Variants in ANKRD55 observed in about 807,000 individuals in gnomAD.
ANKRD55 encodes ankyrin repeat domain 55.
Under a neutral mutation model 60.6 loss-of-function variants are expected in ANKRD55, and 41 were observed. That is an observed-to-expected ratio of 0.68 (90% CI 0.53 to 0.88). The LOEUF (loss-of-function observed/expected upper bound fraction) is 0.88. Ranked by LOEUF, ANKRD55 falls within the 40% of genes least tolerant of loss-of-function variation. The pLI is 0.00. For synonymous variants in ANKRD55, 264 were observed against 290.3 expected, an observed-to-expected ratio of 0.91 and a Z score of 0.92; for missense variants, 732 against 767.6, an observed-to-expected ratio of 0.95 and a Z score of 0.55.
At chr5:56,128,277 C>T (rs183612825) in intron 7 of ANKRD55, among the ~76,000 whole-genome samples, 2 of 152,294 alleles carry the variant, frequency 1.3e-5, no homozygotes, top group East Asian at 1.9e-4. Flanking sequence ...CATAGTTTCC[C>T]CTCTTGGTAG....
At position 56,183,728 on chromosome 5, in the gene ANKRD55, T is replaced by G; in HGVS notation, c.59-94A>C. Reference sequence around the variant, plus strand: ...GTCGTCACCCACACAAGTGATTCATTAAAACTTCTCAAGTGAATCCAGGCA... The same window carrying G: ...GTCGTCACCCACACAAGTGATTCATGAAAACTTCTCAAGTGAATCCAGGCA... On this transcript the variant is annotated intron_variant, in intron 2 of 11. Transcript: ENST00000341048. The G allele has an allele frequency of 2.0e-6, 3 of 1,508,468 alleles. No individual in the cohort carries two copies. In the South Asian group the frequency reaches 3.8e-5, roughly 19 times the overall value. The allele number at this position is 1,508,468 out of a possible 1,614,324, so 93.4% of individuals were successfully genotyped here.
At chr5:56,170,171 GGTTT>G (rs1158963023) in intron 5 of ANKRD55, among the ~76,000 whole-genome samples, 1 of 152,054 alleles carries the variant, frequency 6.6e-6, no homozygotes, top group African/African-American at 2.4e-5. Context: ...CATGGCCCTG[GGTTT>G]AGACATTAAC....
intron 8 of ANKRD55, among the ~76,000 whole-genome samples, chr5:56,117,667 T>C (rs1157330804): frequency 6.6e-6 from 1 of 152,212 alleles, no homozygotes; most frequent in African/African-American, 2.4e-5. Context: ...TTGGCCAGGC[T>C]GGTTCTGAAC....
chr5:56,174,629 C>A (rs1029427125), intron 4 of ANKRD55, among the ~76,000 whole-genome samples: 1 of 151,980 alleles, frequency 6.6e-6, no homozygotes, highest in Non-Finnish European at 1.5e-5. Context: ...GTCAAGAGAT[C>A]GAGACCATCC....
rs2111652581 is a variant in ANKRD55 at position 56,102,502 on chromosome 5, T to A, written c.1715A>T (p.Asp572Val). The change falls in exon 11 of 12, where the codon GAT becomes GTT. Residue 572 changes from aspartate (D) to valine (V), a missense_variant. Physicochemically the swap from Asp to Val is radical, Grantham distance 152 (BLOSUM62 -3). This residue lies in a region of ANKRD55 where 597 missense variants were observed against 607.5 expected (regional missense o/e 0.98). Coordinates refer to ENST00000341048, the MANE Select transcript of ANKRD55 (RefSeq NM_024669.3). ...AGATTCATAATACTTACATTTTTGA[T>A]CTGGTAGGGGAGCTAGGTTGTTCCG... ...FTRNNLAPLPDQKFLSGEPLR... is the reference protein window; with the variant it reads ...FTRNNLAPLPVQKFLSGEPLR... 1 of 1,609,792 alleles carries A rather than the reference T, an allele frequency of 6.2e-7. No individual in the cohort carries two copies. Among genetic ancestry groups the A allele is most frequent in the Non-Finnish European group, 8.5e-7 (1 of 1,176,734 alleles).
At position 56,111,659 on chromosome 5, in the gene ANKRD55, C is replaced by G; in HGVS notation, c.1089G>C (p.Lys363Asn). Residue 363 changes from lysine (K) to asparagine (N), a missense_variant, in exon 10 of 12, where the codon AAG becomes AAC. By Grantham distance (94) the Lys-to-Asn change is moderately conservative. This residue lies in a region of ANKRD55 where 597 missense variants were observed against 607.5 expected (regional missense o/e 0.98). Transcript: ENST00000341048. ...NKKEEQRAHQ[K>N]DPSRDRYREE... The stretch of plus-strand genomic sequence containing the variant: ...CTCTGTATCGGTCCCTGCTGGGATC[C>G]TTCTGATGGGCTCTCTGCTCTTCTT... 1 of 1,532,014 alleles carries G rather than the reference C, an allele frequency of 6.5e-7. No homozygotes were observed. The highest frequency in any genetic ancestry group is 1.3e-5 in the South Asian group (1 of 75,350). 94.9% of individuals were successfully genotyped at this position (1,532,014 alleles called of 1,614,324 possible). A position where few individuals can be genotyped will look rare whatever the true frequency, so the allele number is the denominator to read the frequency against.
At chr5:56,130,849 C>T (rs1024907506) in intron 7 of ANKRD55, among the ~76,000 whole-genome samples, 1 of 152,030 alleles carries the variant, frequency 6.6e-6, no homozygotes, top group African/African-American at 2.4e-5. Flanking sequence ...TGAAGAATGC[C>T]TTTGATGAGC....
chr5:56,162,403 G>A (rs558941212), intron 5 of ANKRD55, among the ~76,000 whole-genome samples: 16 of 152,270 alleles, frequency 1.1e-4, no homozygotes, highest in African/African-American at 3.6e-4. Flanking sequence ...GGGTTTTGCC[G>A]ATGGGGGAAC....
intron 9 of ANKRD55, among the ~76,000 whole-genome samples, chr5:56,112,488 A>T (rs1756742779): frequency 7.1e-6 from 1 of 140,094 alleles, no homozygotes; most frequent in Admixed American, 7.5e-5. Flanking sequence ...GCAACATGGC[A>T]GGATCTCATC....
At chr5:56,224,653 C>T (rs1760059546) in intron 2 of ANKRD55, among the ~76,000 whole-genome samples, 1 of 152,106 alleles carries the variant, frequency 6.6e-6, no homozygotes, top group Admixed American at 6.5e-5. Flanking sequence ...AAGGGGATAT[C>T]ACCACTGATC....
rs1011543392 is a variant in ANKRD55 at position 56,116,634 on chromosome 5, G to T, written c.946C>A (p.Leu316Ile). Residue 316 changes from leucine to isoleucine, a missense_variant, in exon 9 of 12, where the codon CTC (leucine) becomes ATC (isoleucine). By Grantham distance (5) the Leu-to-Ile change is conservative (BLOSUM62 2). Coordinates refer to ENST00000341048, the MANE Select transcript of ANKRD55 (RefSeq NM_024669.3). Reference protein sequence around the residue: ...LYCGHTACVKLLSQESRTEPT... With the variant: ...LYCGHTACVKILSQESRTEPT... Reference sequence around the variant, plus strand: ...ACTCACCTGCTCTCTTGGGAGAGGAGTTTGACACACGCCGTGTGACCGCAG... The same window carrying T: ...ACTCACCTGCTCTCTTGGGAGAGGATTTTGACACACGCCGTGTGACCGCAG... 3 of 1,600,028 alleles carry T rather than the reference G, an allele frequency of 1.9e-6. No homozygotes were observed. Among genetic ancestry groups the T allele is most frequent in the South Asian group, 1.1e-5 (1 of 89,130 alleles).
At chr5:56,226,005 A>C (rs1474458628) in intron 2 of ANKRD55, among the ~76,000 whole-genome samples, 1 of 152,196 alleles carries the variant, frequency 6.6e-6, no homozygotes, top group Non-Finnish European at 1.5e-5. Context: ...TGAAACCAAA[A>C]AAGAGCCCAC....
intron 2 of ANKRD55, among the ~76,000 whole-genome samples, chr5:56,202,047 G>A (rs1338467232): frequency 6.6e-6 from 1 of 152,168 alleles, no homozygotes; most frequent in Non-Finnish European, 1.5e-5. Flanking sequence ...TGCAGGAACA[G>A]AAAACCAAAC....
intron 2 of ANKRD55, among the ~76,000 whole-genome samples, chr5:56,190,965 C>G (rs1759080717): frequency 6.6e-6 from 1 of 152,230 alleles, no homozygotes; most frequent in African/African-American, 2.4e-5. Context: ...GTCATAGCAA[C>G]TATTCTTTCC....
At chr5:56,147,037 C>A (rs1757917382) in intron 6 of ANKRD55, among the ~76,000 whole-genome samples, 1 of 152,174 alleles carries the variant, frequency 6.6e-6, no homozygotes, top group Non-Finnish European at 1.5e-5. Flanking sequence ...AACCCCCCCA[C>A]AAAACCCAAC....
chr5:56,181,854 C>T (rs1023145878), intron 3 of ANKRD55, among the ~76,000 whole-genome samples: 5 of 152,172 alleles, frequency 3.3e-5, no homozygotes, highest in African/African-American at 4.8e-5. Context: ...CTCGGCCTCC[C>T]GAAGTGTTGG....
At chr5:56,146,375 C>T (rs77366057) in intron 6 of ANKRD55, among the ~76,000 whole-genome samples, 27,288 of 151,642 alleles carry the variant, frequency 0.18, 2,963 homozygotes, top group Middle Eastern at 0.34. Context: ...ACTGCCACCT[C>T]CCAGGTTCAA....
chr5:56,111,815 T>A, intron 9 of ANKRD55, 33 bp from the exon 10 acceptor site: 2 of 1,462,160 alleles, frequency 1.4e-6, no homozygotes, highest in Non-Finnish European at 1.8e-6. Flanking sequence ...GGATGATATG[T>A]GAGTATGGGA....
chr5:56,178,193 CT>C (rs532357908), intron 3 of ANKRD55, among the ~76,000 whole-genome samples: 256 of 142,890 alleles, frequency 1.8e-3, no homozygotes, highest in Middle Eastern at 3.6e-3. Context: ...TCTTTTCTTT[CT>C]TTTTTTTTTT....
Sources: allele counts gnomAD v4.1 joint callset (sites outside exome capture counted in the v4.1 genomes callset), GRCh38; gene constraint gnomAD v4.1.1; regional missense constraint gnomAD v4.1.1; transcripts MANE v1.5; gene names NCBI Gene and HGNC (gene_info 2026-07-23, HGNC 2026-07-21).